The following DPP6 variants were observed in gnomAD, a reference collection of about 807,000 sequenced individuals.
DPP6 encodes the protein dipeptidyl peptidase like 6.
Under a neutral mutation model 122.6 loss-of-function variants are expected in DPP6, and 69 were observed. The ratio of observed to expected loss-of-function variants is 0.56; its 90% CI spans 0.46 to 0.69. The LOEUF is 0.69. Among genes scored for constraint, DPP6 ranks in the 30% least tolerant of loss-of-function variants. The pLI is 0.00. For synonymous variants in DPP6, 418 were observed against 433.1 expected (o/e 0.97, Z 0.43); for missense variants, 928 against 1,116.9 (o/e 0.83, Z 2.41).
intron 1 of DPP6, among the ~76,000 whole-genome samples, chr7:154,091,764 C>A (rs528367357): frequency 6.6e-6 from 1 of 152,036 alleles, no homozygotes; most frequent in Non-Finnish European, 1.5e-5. Flanking sequence ...CTCTGCTGAC[C>A]CTCCCGATGT....
At chr7:153,894,761 A>G (rs945010846) in intron 1 of DPP6, among the ~76,000 whole-genome samples, 6 of 152,194 alleles carry the variant, frequency 3.9e-5, no homozygotes, top group African/African-American at 1.4e-4. Flanking sequence ...CTGTGCACTC[A>G]TATGTTTAAT....
At chr7:154,299,046 TGAG>T (rs1367522964) in intron 1 of DPP6, among the ~76,000 whole-genome samples, 1 of 152,208 alleles carries the variant, frequency 6.6e-6, no homozygotes, top group Non-Finnish European at 1.5e-5. Context: ...TTCTGCAAGC[TGAG>T]GAGAATTGAA....
chr7:154,242,398 G>A (rs1471427655), intron 1 of DPP6, among the ~76,000 whole-genome samples: 2 of 152,112 alleles, frequency 1.3e-5, no homozygotes, highest in Admixed American at 6.5e-5. Flanking sequence ...GTGTGTGTGT[G>A]TATGTGTGTG....
chr7:153,871,003 C>T, the DPP6 span, among the ~76,000 whole-genome samples: 5 of 152,316 alleles, frequency 3.3e-5, no homozygotes, highest in South Asian at 6.2e-4. Flanking sequence ...CTGATCATTC[C>T]TCTGGAAGTT....
rs1189714107 is a variant in DPP6, at chr7:154,760,074, A to G, written c.884-9343A>G. 1.3e-5 allele frequency among the ~76,000 whole-genome samples: 2 copies of G among 152,180 alleles called. No homozygotes were observed. Among genetic ancestry groups the G allele is most frequent in the Admixed American group, 6.5e-5 (1 of 15,270 alleles). ...GCAGGCAGAGGTTGCAGTGAGCAGAAATCATGCCATTGCACTCCAGCCTAG... is the reference window on the plus strand; with the variant it reads ...GCAGGCAGAGGTTGCAGTGAGCAGAGATCATGCCATTGCACTCCAGCCTAG... On this transcript the variant is annotated intron_variant, in intron 8 of 25. Transcript: ENST00000377770. This position sits in a 1 kb window ranked among gnomAD's most constrained non-coding sequence, Gnocchi z 4.5.
At chr7:154,090,620 G>A (rs1804738254) in intron 1 of DPP6, among the ~76,000 whole-genome samples, 1 of 152,012 alleles carries the variant, frequency 6.6e-6, no homozygotes, top group Non-Finnish European at 1.5e-5. Context: ...AGAGGCGCCT[G>A]CAGAGGCTGG....
chr7:153,987,379 A>G (rs1796902369), intron 1 of DPP6, among the ~76,000 whole-genome samples: 1 of 152,224 alleles, frequency 6.6e-6, no homozygotes, highest in South Asian at 2.1e-4. Flanking sequence ...ACAGGCTTAG[A>G]AAATCATTCT....
At chr7:154,023,168 G>T (rs977214440) in intron 1 of DPP6, among the ~76,000 whole-genome samples, 22 of 151,956 alleles carry the variant, frequency 1.4e-4, no homozygotes, top group African/African-American at 5.1e-4. Context: ...CACGAACCCT[G>T]CCTGGGAAGT....
intron 1 of DPP6, among the ~76,000 whole-genome samples, chr7:153,918,544 C>CACAG (rs1800458281): frequency 7.2e-6 from 1 of 139,808 alleles, no homozygotes; most frequent in Admixed American, 7.3e-5. Flanking sequence ...CACACACACA[C>CACAG]ACACACACAC....
At chr7:153,989,825 G>A (rs375495201) in intron 1 of DPP6, among the ~76,000 whole-genome samples, 1 of 151,934 alleles carries the variant, frequency 6.6e-6, no homozygotes, top group Admixed American at 6.5e-5. Flanking sequence ...GATAGGGACA[G>A]CATGTCCAAT....
At chr7:154,113,638 G>A (rs1806767813) in intron 1 of DPP6, among the ~76,000 whole-genome samples, 1 of 151,036 alleles carries the variant, frequency 6.6e-6, no homozygotes, top group African/African-American at 2.5e-5. Context: ...TGCTTTTGGT[G>A]TCATATCCAA....
At position 153,932,815 on chromosome 7, in the gene DPP6, T is replaced by C. The variant is rs149135088; in HGVS notation, c.51+45081T>C. Among the ~76,000 whole-genome samples, 758 of 152,240 alleles carry C rather than the reference T, an allele frequency of 5.0e-3. 4 individuals are homozygous for C. The highest frequency in any genetic ancestry group is 0.017 in the African/African-American group (720 of 41,528). ...TCCACCTCCTGATGATCTTAACCCG[T>C]GTCATATAGTTTGGCTGTGTCCCCA... On this transcript the variant is annotated intron_variant, in intron 1 of 25. Transcript: ENST00000404039.
intron 1 of DPP6, among the ~76,000 whole-genome samples, chr7:154,347,088 C>T (rs1810464564): frequency 6.6e-6 from 1 of 152,130 alleles, no homozygotes; most frequent in Admixed American, 6.6e-5. Context: ...TAATGTTATT[C>T]CATGTCAGAT....
chr7:154,559,696 A>G (rs1012245534), intron 4 of DPP6, among the ~76,000 whole-genome samples: 8 of 152,034 alleles, frequency 5.3e-5, no homozygotes, highest in Non-Finnish European at 8.8e-5. Context: ...GAGATCATTT[A>G]AAGTGCTGGG....
chr7:154,042,020 G>T (rs1384716880), intron 1 of DPP6, among the ~76,000 whole-genome samples: 3 of 152,158 alleles, frequency 2.0e-5, no homozygotes, highest in Non-Finnish European at 4.4e-5. Context: ...GCCTCCCAAA[G>T]TGCTGAGATT....
upstream of DPP6, among the ~76,000 whole-genome samples, chr7:154,049,103 C>G (rs1399695210): frequency 1.3e-5 from 2 of 151,298 alleles, no homozygotes; most frequent in African/African-American, 2.4e-5. Flanking sequence ...AAATAATTTG[C>G]AAAATATTTT....
chr7:154,305,585 T>TGC, intron 1 of DPP6: 1 of 1,573,430 alleles, frequency 6.4e-7, no homozygotes, highest in Non-Finnish European at 8.6e-7. Flanking sequence ...TGTGTGTGTG[T>TGC]GTGCGTGCGT....
At chr7:153,832,562 A>G in the DPP6 span, among the ~76,000 whole-genome samples, 6 of 152,212 alleles carry the variant, frequency 3.9e-5, no homozygotes, top group Non-Finnish European at 7.3e-5. Flanking sequence ...TTCCCCAGGC[A>G]GTTTGCCTGA....
chr7:154,870,437 T>C (rs1484533335), intron 18 of DPP6, among the ~76,000 whole-genome samples: 1 of 137,132 alleles, frequency 7.3e-6, no homozygotes, highest in African/African-American at 3.1e-5. Flanking sequence ...AAACCCCATC[T>C]CTACAAAAAA....
Sources: allele counts gnomAD v4.1 joint callset (sites outside exome capture counted in the v4.1 genomes callset), GRCh38; gene constraint gnomAD v4.1.1; non-coding constraint Gnocchi (gnomAD v3.1); transcripts MANE v1.5; gene names NCBI Gene and HGNC (gene_info 2026-07-23, HGNC 2026-07-21).